The following DCP1B variants were observed in gnomAD, a reference collection of about 807,000 sequenced individuals.
DCP1B encodes decapping mRNA 1B, also known as mRNA-decapping enzyme 1B.
A neutral mutation model predicts 60.5 loss-of-function variants in DCP1B; 47 were observed. That is an observed-to-expected ratio of 0.78 (90% CI 0.61 to 0.99). The LOEUF (loss-of-function observed/expected upper bound fraction) is 0.99. DCP1B is among the 50% of genes least tolerant of loss of function. The probability of loss-of-function intolerance (pLI) is 0.00; values close to 1 mark genes in which losing one functional copy is unlikely to be tolerated. For synonymous variants in DCP1B, 267 were observed against 280.3 expected (o/e 0.95, Z 0.47); for missense variants, 725 against 756.8 (o/e 0.96, Z 0.49).
intron 3 of DCP1B, among the ~76,000 whole-genome samples, chr12:1,978,158 C>G (rs905918162): frequency 6.6e-6 from 1 of 152,160 alleles, no homozygotes; most frequent in Non-Finnish European, 1.5e-5. Flanking sequence ...GGGGAGAAAG[C>G]AGATGTCGCA....
At chr12:1,969,722 A>T (rs2031751560) in intron 3 of DCP1B, among the ~76,000 whole-genome samples, 1 of 152,110 alleles carries the variant, frequency 6.6e-6, no homozygotes, top group African/African-American at 2.4e-5. Flanking sequence ...TTCCCTACAC[A>T]GATTCCTACA....
At chr12:1,985,834 C>T (rs149315960) in intron 3 of DCP1B, among the ~76,000 whole-genome samples, 138 of 151,822 alleles carry the variant, frequency 9.1e-4, no homozygotes, top group African/African-American at 3.1e-3. Context: ...TTTTTTGAGA[C>T]GAGTCTCCCT....
At chr12:1,986,274 T>G (rs2037753592) in intron 3 of DCP1B, among the ~76,000 whole-genome samples, 2 of 152,156 alleles carry the variant, frequency 1.3e-5, no homozygotes, top group Non-Finnish European at 2.9e-5. Flanking sequence ...TTGCATGAGT[T>G]CCTAGACAGA....
intron 5 of DCP1B, among the ~76,000 whole-genome samples, chr12:1,957,613 G>A (rs1194136840): frequency 6.6e-6 from 1 of 152,192 alleles, no homozygotes; most frequent in Non-Finnish European, 1.5e-5. Flanking sequence ...TATGCAGCCT[G>A]TAGATCATTT....
intron 3 of DCP1B, among the ~76,000 whole-genome samples, chr12:1,969,491 C>T (rs927354356): frequency 1.2e-4 from 18 of 151,052 alleles, no homozygotes; most frequent in Admixed American, 5.3e-4. Flanking sequence ...TGAACAGGAC[C>T]ATTTTACTCT....
rs2030510591 is a variant in DCP1B, at chr12:1,948,175, C to T, written c.1773+911G>A. Among the ~76,000 whole-genome samples, 1 of 152,252 alleles carries T rather than the reference C, an allele frequency of 6.6e-6. No individual in the cohort carries two copies. The highest frequency in any genetic ancestry group is 1.5e-5 in the Non-Finnish European group (1 of 68,038). ...GAAGTCTGTCTGGCTACAAATGTTC[C>T]ACTTTTCAAGGACTGCCGTTGATTT... On this transcript the variant is annotated intron_variant, in intron 8 of 8. Transcript: ENST00000280665. This position sits in a 1 kb window ranked among gnomAD's most constrained non-coding sequence, Gnocchi z 4.8.
intron 5 of DCP1B, among the ~76,000 whole-genome samples, chr12:1,955,872 AAT>A (rs2030868328): frequency 6.6e-6 from 1 of 152,154 alleles, no homozygotes; most frequent in South Asian, 2.1e-4. Flanking sequence ...TATACGTTTA[AAT>A]ATATATAGTC....
chr12:1,988,506 C>G (rs187180477), intron 3 of DCP1B, among the ~76,000 whole-genome samples: 230 of 152,290 alleles, frequency 1.5e-3, no homozygotes, highest in Non-Finnish European at 2.5e-3. Context: ...GATAAATAAC[C>G]CTCTGTGAGG....
At chr12:2,000,471 A>T (rs1011254050) in intron 1 of DCP1B, among the ~76,000 whole-genome samples, 6 of 108,002 alleles carry the variant, frequency 5.6e-5, no homozygotes, top group East Asian at 2.0e-4. Context: ...TTTCTTAATT[A>T]AAAAAAAAAA....
rs2041594190 is a variant in DCP1B at position 1,999,102 on chromosome 12, T to G, written c.151-1127A>C. On this transcript the variant is annotated intron_variant, in intron 1 of 8. Transcript: ENST00000280665. ...AGCGGCATCAGCGTCACCTGGGAAC[T>G]TATTAGAAATGCAAGCTCTTGGGCT... Among the ~76,000 whole-genome samples the G allele has an allele frequency of 2.0e-5, 3 of 152,220 alleles. No homozygotes were observed. The South Asian group carries it at 6.2e-4, about 31-fold the overall frequency.
rs564689549 is a variant in DCP1B at position 1,998,153 on chromosome 12, G to A, written c.151-178C>T. Reference sequence around the variant, plus strand: ...AGTTCTATGTCATCATTGTGCCTCTGCAGATTAGGCAGCAGGAAGCAGTCT... The same window carrying A: ...AGTTCTATGTCATCATTGTGCCTCTACAGATTAGGCAGCAGGAAGCAGTCT... On this transcript the variant is annotated intron_variant, in intron 1 of 8. Transcript: ENST00000280665. Among the ~76,000 whole-genome samples the A allele has an allele frequency of 3.9e-5, 6 of 152,338 alleles. 1 individual carries two copies. The highest frequency in any genetic ancestry group is 2.6e-4 in the Admixed American group (4 of 15,312).
At chr12:1,967,486 T>C (rs1362016859) in intron 4 of DCP1B, among the ~76,000 whole-genome samples, 1 of 152,236 alleles carries the variant, frequency 6.6e-6, no homozygotes. Flanking sequence ...AGCAGACTTT[T>C]AGGATGGCTC....
intron 3 of DCP1B, among the ~76,000 whole-genome samples, chr12:1,973,253 A>G (rs564626174): frequency 2.7e-4 from 41 of 152,242 alleles, no homozygotes; most frequent in Middle Eastern, 3.4e-3. Flanking sequence ...CAGCGATCCC[A>G]TGACCTGAGA....
chr12:1,997,313 G>T (rs555346842), intron 2 of DCP1B, among the ~76,000 whole-genome samples: 38 of 152,332 alleles, frequency 2.5e-4, no homozygotes, highest in East Asian at 2.1e-3. Context: ...TGGATCACGA[G>T]GTCAGGAGTT....
chr12:1,979,503 G>C (rs2035485746), intron 3 of DCP1B, among the ~76,000 whole-genome samples: 1 of 151,830 alleles, frequency 6.6e-6, no homozygotes, highest in Non-Finnish European at 1.5e-5. Context: ...GTAGAGAGGG[G>C]GTTTCACCAT....
chr12:1,992,106 TACAATTGATA>T (rs2039567036), intron 3 of DCP1B: 1 of 326,382 alleles, frequency 3.1e-6, no homozygotes, highest in East Asian at 8.5e-5. Context: ...AGTAATAAAC[TACAATTGATA>T]AAGTGTACCT....
At chr12:1,961,829 G>C (rs185853836) in intron 5 of DCP1B, among the ~76,000 whole-genome samples, 1 of 152,178 alleles carries the variant, frequency 6.6e-6, no homozygotes, top group South Asian at 2.1e-4. Context: ...ACAGTATAAA[G>C]TGATGGCCTA....
intron 3 of DCP1B, among the ~76,000 whole-genome samples, chr12:1,981,730 A>G (rs895196877): frequency 6.6e-5 from 10 of 152,202 alleles, no homozygotes; most frequent in Admixed American, 6.5e-4. Flanking sequence ...CATAAAAGAC[A>G]TATATGCTGC....
Position 2,004,395 on chromosome 12 carries a change from C to T in DCP1B, c.37G>A (p.Gly13Arg), listed in dbSNP as rs867410840. ...AVAAGGLVGK[G>R]RDISLAALQR... ...AGGGCCGCTAGGCTGATGTCGCGCCCCTTTCCCACCAGGCCGCCTGCCGCC... is the reference window on the plus strand; with the variant it reads ...AGGGCCGCTAGGCTGATGTCGCGCCTCTTTCCCACCAGGCCGCCTGCCGCC... Residue 13 changes from glycine to arginine, a missense_variant, in exon 1 of 9, where the codon GGG becomes AGG. Physicochemically the swap from Gly to Arg is moderately radical, Grantham distance 125. Transcript: ENST00000280665. 5 of 1,612,320 alleles carry T rather than the reference C, an allele frequency of 3.1e-6. No individual in the cohort carries two copies. The Middle Eastern group carries it at 6.8e-4, about 218-fold the overall frequency.
Sources: allele counts gnomAD v4.1 joint callset (sites outside exome capture counted in the v4.1 genomes callset), GRCh38; gene constraint gnomAD v4.1.1; non-coding constraint Gnocchi (gnomAD v3.1); transcripts MANE v1.5; gene names NCBI Gene and HGNC (gene_info 2026-07-23, HGNC 2026-07-21).